The following CCDC7 variants were observed in gnomAD, a reference collection of about 807,000 sequenced individuals.
The protein encoded by CCDC7 is coiled-coil domain containing 7, also known as coiled-coil domain-containing protein 7.
A neutral mutation model predicts 196.9 loss-of-function variants in CCDC7; 183 were observed. The ratio of observed to expected loss-of-function variants is 0.93; its 90% confidence interval spans 0.82 to 1.05. The LOEUF is 1.05. Among genes scored for constraint, CCDC7 ranks in the 50% least tolerant of loss-of-function variants. CCDC7 has a pLI of 0.00. For missense variants in CCDC7, 1,540 were observed against 1,482.2 expected (o/e 1.04, Z -0.64); for synonymous variants, 525 against 484.6 (o/e 1.08, Z -1.10).
rs369975011 is a variant in CCDC7, at chr10:32,813,910, A to T, written c.3098-460A>T. On this transcript the variant is annotated intron_variant, in intron 30 of 41. Transcript: ENST00000639629. ...TTTTTAAGGTTTTTGTTATTTTCCA[A>T]TCCAGACATTTCATTTTAATTCTTC... is the stretch of plus-strand genomic sequence containing the variant. Among the ~76,000 whole-genome samples, 8 of 152,136 alleles carry T rather than the reference A, an allele frequency of 5.3e-5. No homozygotes were observed. In the South Asian group the frequency reaches 8.3e-4, roughly 16 times the overall value.
At position 32,523,426 on chromosome 10, in the gene CCDC7, G is replaced by A. The variant is rs897377030; in HGVS notation, c.993+4921G>A. Among the ~76,000 whole-genome samples, 6 of 152,084 alleles carry A rather than the reference G, an allele frequency of 3.9e-5. No homozygotes were observed. The South Asian group carries it at 8.3e-4, about 21-fold the overall frequency. On this transcript the variant is annotated intron_variant, in intron 11 of 41. Transcript: ENST00000639629. ...TAGCTGGGCATGGTGGCAGGCGCCC[G>A]TAGTCCCAGCTACTCGGGAGGCTGA...
At chr10:32,784,550 C>T (rs2081527350) in intron 29 of CCDC7, among the ~76,000 whole-genome samples, 2 of 152,088 alleles carry the variant, frequency 1.3e-5, no homozygotes, top group Non-Finnish European at 2.9e-5. Context: ...CTACAAAGGA[C>T]ATGATCTCAT....
At chr10:32,702,951 G>A (rs1290422784) in intron 24 of CCDC7, among the ~76,000 whole-genome samples, 4 of 152,008 alleles carry the variant, frequency 2.6e-5, no homozygotes, top group South Asian at 2.1e-4. Flanking sequence ...CACACTGATG[G>A]GTCTTGACTC....
At chr10:32,517,056 G>A (rs754486462) in intron 9 of CCDC7, among the ~76,000 whole-genome samples, 8 of 152,156 alleles carry the variant, frequency 5.3e-5, no homozygotes, top group Non-Finnish European at 7.4e-5. Context: ...TCACCAAACT[G>A]TGTCAGCAAA....
At chr10:32,826,133 A>G (rs927668529) in intron 32 of CCDC7, among the ~76,000 whole-genome samples, 2 of 152,154 alleles carry the variant, frequency 1.3e-5, no homozygotes, top group African/African-American at 4.8e-5. Flanking sequence ...CTCCTCAGGA[A>G]CCACCTCCAA....
intron 7 of CCDC7, among the ~76,000 whole-genome samples, chr10:32,473,342 T>C (rs1045088921): frequency 2.0e-5 from 3 of 152,114 alleles, no homozygotes; most frequent in Non-Finnish European, 4.4e-5. Context: ...ACAAACAACA[T>C]GCATAGAGAA....
intron 11 of CCDC7, among the ~76,000 whole-genome samples, chr10:32,528,756 A>G (rs999950780): frequency 5.5e-5 from 8 of 146,042 alleles, no homozygotes; most frequent in African/African-American, 1.8e-4. Context: ...ATACATATAT[A>G]CGTATTTACA....
intron 30 of CCDC7, among the ~76,000 whole-genome samples, chr10:32,813,265 T>C (rs942883049): frequency 1.3e-5 from 2 of 152,188 alleles, no homozygotes; most frequent in African/African-American, 4.8e-5. Context: ...TCAATATGAA[T>C]TTCTTTTTAA....
intron 28 of CCDC7, among the ~76,000 whole-genome samples, chr10:32,745,231 G>A (rs2074514294): frequency 1.3e-5 from 2 of 152,128 alleles, no homozygotes; most frequent in Non-Finnish European, 1.5e-5. Flanking sequence ...CTAATAATAA[G>A]TCAGTCATCT....
At chr10:32,695,994 ACTTT>A in intron 24 of CCDC7, among the ~76,000 whole-genome samples, 1 of 24,416 alleles carries the variant, frequency 4.1e-5, no homozygotes, top group South Asian at 0.01. Flanking sequence ...AGCAATGAAG[ACTTT>A]TTTTTTTTTT....
intron 28 of CCDC7, among the ~76,000 whole-genome samples, chr10:32,764,204 C>T (rs182729826): frequency 4.6e-5 from 7 of 151,440 alleles, no homozygotes; most frequent in Non-Finnish European, 8.8e-5. Context: ...CCCCAAGACT[C>T]ACCCCCACCA....
intron 20 of CCDC7, among the ~76,000 whole-genome samples, chr10:32,642,126 G>T (rs182957171): frequency 6.6e-6 from 1 of 152,196 alleles, no homozygotes; most frequent in South Asian, 2.1e-4. Context: ...CAGTCTGTCC[G>T]TTCTCAGATC....
At chr10:32,571,603 T>A (rs2370783) in intron 15 of CCDC7, among the ~76,000 whole-genome samples, 139,487 of 151,138 alleles carry the variant, frequency 0.92, 65,352 homozygotes, top group East Asian at 1. Flanking sequence ...ACTCAAAAAA[T>A]TTTTTTTTTG....
intron 20 of CCDC7, among the ~76,000 whole-genome samples, chr10:32,657,458 A>G (rs2070204064): frequency 6.6e-6 from 1 of 152,144 alleles, no homozygotes; most frequent in South Asian, 2.1e-4. Flanking sequence ...CAGGCTCAAA[A>G]CCATGTGGAA....
At chr10:32,693,472 C>A (rs756580999) in intron 23 of CCDC7, among the ~76,000 whole-genome samples, 1 of 151,698 alleles carries the variant, frequency 6.6e-6, no homozygotes, top group Non-Finnish European at 1.5e-5. Context: ...GTATTTTTTT[C>A]CTTCACATTA....
intron 41 of CCDC7, among the ~76,000 whole-genome samples, chr10:32,874,376 C>G (rs2094530508): frequency 1.3e-5 from 2 of 151,500 alleles, no homozygotes; most frequent in Admixed American, 1.3e-4. Context: ...TTAGTGCACC[C>G]ATCACCTGAG....
Position 32,596,018 on chromosome 10 carries a change from T to G in CCDC7, c.1801+11714T>G, listed in dbSNP as rs144534200. ...GTGGTGCTGAGAAGAATGTATATTC[T>G]GTTGATTTGGGGTGGAGAGTTCTGT... On this transcript the variant is annotated intron_variant, in intron 18 of 41. Coordinates refer to ENST00000639629, the Ensembl canonical transcript of CCDC7. 8.4e-3 allele frequency among the ~76,000 whole-genome samples: 1,279 copies of G among 152,340 alleles called. 28 individuals are homozygous for G. Among genetic ancestry groups the G allele is most frequent in the African/African-American group, 0.028 (1,177 of 41,564 alleles).
chr10:32,490,822 T>C (rs2042034779), intron 8 of CCDC7, among the ~76,000 whole-genome samples: 1 of 152,146 alleles, frequency 6.6e-6, no homozygotes, highest in Non-Finnish European at 1.5e-5. Flanking sequence ...TGGTGTTTTA[T>C]TTTATCATTT....
At chr10:32,656,695 C>T (rs73259404) in intron 20 of CCDC7, among the ~76,000 whole-genome samples, 16 of 152,208 alleles carry the variant, frequency 1.1e-4, no homozygotes, top group South Asian at 2.1e-4. Context: ...TTGGGTGCGG[C>T]GAGCCAAACC....
Sources: gnomAD v4.1 joint callset for allele counts (sites outside exome capture counted in the v4.1 genomes callset) on GRCh38, gnomAD v4.1.1 for gene constraint, MANE v1.5 for transcripts, NCBI Gene and HGNC (gene_info 2026-07-23, HGNC 2026-07-21) for gene names.